The following MTUS2 variants were observed in gnomAD, a reference collection of about 807,000 sequenced individuals.
MTUS2 encodes the protein microtubule-associated tumor suppressor candidate 2.
A neutral mutation model predicts 114.1 loss-of-function variants in MTUS2; 40 were observed. That is an observed-to-expected ratio of 0.35 (90% CI 0.27 to 0.46). MTUS2 has a LOEUF of 0.46. MTUS2 is among the 20% of genes least tolerant of loss of function. MTUS2 has a pLI of 1.00. For synonymous variants in MTUS2, 688 were observed against 672.0 expected (o/e 1.02, Z -0.37); for missense variants, 1,679 against 1,705.4 (o/e 0.98, Z 0.27).
rs368447931 is a variant in MTUS2, at chr13:29,480,414, G to A, written c.3399+50G>A. 68 of 1,461,314 alleles carry A rather than the reference G, an allele frequency of 4.7e-5. 1 individual carries two copies. Among genetic ancestry groups the A allele is most frequent in the African/African-American group, 2.6e-4 (18 of 70,228 alleles). The allele number at this position is 1,461,314 out of a possible 1,614,324, so 90.5% of individuals were successfully genotyped here. The stretch of plus-strand genomic sequence containing the variant: ...TCTGCTGTTGGGTGATGCAGGTGGC[G>A]GGCGGCGGGGATCCAGTGCCACATT... On this transcript the variant is annotated intron_variant, in intron 10 of 15. Transcript: ENST00000612955. The surrounding 1 kb of genome is among the most constrained non-coding windows in gnomAD (Gnocchi z 4.4).
In MTUS2 at chr13:28,939,922, C is replaced by T. The variant is rs1018076848; in HGVS notation, c.-242-84535C>T. On this transcript the variant is annotated intron_variant, in intron 2 of 15. Transcript: ENST00000612955. ...AGGAGCTAAGTCATGTCTTACGTGG[C>T]GGCAGGCAAGAAAGAGCTTGTGCAG... 2.1e-4 allele frequency among the ~76,000 whole-genome samples: 32 copies of T among 152,064 alleles called. 1 individual carries two copies. Among genetic ancestry groups the T allele is most frequent in the Admixed American group, 1.9e-3 (29 of 15,270 alleles).
At chr13:29,187,052 T>C (rs1894254283) in intron 5 of MTUS2, among the ~76,000 whole-genome samples, 2 of 152,086 alleles carry the variant, frequency 1.3e-5, no homozygotes, top group Non-Finnish European at 2.9e-5. Context: ...TTTGAAAATA[T>C]TTTGAGATGA....
In MTUS2 at chr13:29,033,936, T is replaced by A. The variant is rs1430838954; in HGVS notation, c.2257T>A (p.Tyr753Asn). The A allele has an allele frequency of 6.2e-7, 1 of 1,613,986 alleles. No homozygotes were observed. Among genetic ancestry groups the A allele is most frequent in the Non-Finnish European group, 8.5e-7 (1 of 1,179,876 alleles). ...EEFCSPPYAH[Y>N]EVPPTFYRSA... is the part of the protein sequence containing the mutation. The stretch of plus-strand genomic sequence containing the variant: ...GTTTTGTTCTCCTCCCTATGCTCAT[T>A]ATGAAGTCCCTCCAACTTTCTATCG... Residue 753 changes from tyrosine (Y) to asparagine (N), a missense_variant, in exon 4 of 16, where the codon TAT becomes AAT. Physicochemically the swap from Tyr to Asn is moderately radical, Grantham distance 143. Around this residue, in one of 3 missense-constraint regions of MTUS2, gnomAD observed 822 missense variants for 899.7 expected, o/e 0.91. Coordinates refer to ENST00000612955, the MANE Select transcript of MTUS2 (RefSeq NM_001033602.4).
chr13:29,445,616 T>G (rs969023167), intron 9 of MTUS2, among the ~76,000 whole-genome samples: 2 of 152,126 alleles, frequency 1.3e-5, no homozygotes, highest in African/African-American at 4.8e-5. Context: ...CAAGAGTTTA[T>G]ATAATTCTGG....
intron 2 of MTUS2, among the ~76,000 whole-genome samples, chr13:28,851,565 CT>C (rs1315383690): frequency 6.6e-6 from 1 of 152,182 alleles, no homozygotes; most frequent in Non-Finnish European, 1.5e-5. Context: ...CACTTAGAGT[CT>C]AAGAGGAAAT....
At chr13:29,126,642 TA>T (rs1398171188) in intron 5 of MTUS2, among the ~76,000 whole-genome samples, 3 of 150,096 alleles carry the variant, frequency 2.0e-5, no homozygotes, top group African/African-American at 7.3e-5. Context: ...TTTTTTTTTT[TA>T]AATTTTAGCT....
At chr13:29,410,227 C>T (rs922189867) in intron 8 of MTUS2, among the ~76,000 whole-genome samples, 7 of 152,016 alleles carry the variant, frequency 4.6e-5, no homozygotes, top group Middle Eastern at 3.4e-3. Context: ...TGGGTTCAAG[C>T]GATTCTCATG....
At chr13:28,984,617 A>G (rs1169199785) in intron 2 of MTUS2, among the ~76,000 whole-genome samples, 1 of 152,218 alleles carries the variant, frequency 6.6e-6, no homozygotes. Context: ...ATGGAGCTGT[A>G]TTTGGGCTCT....
chr13:29,470,222 T>A (rs1179408572), intron 9 of MTUS2, among the ~76,000 whole-genome samples: 1 of 152,156 alleles, frequency 6.6e-6, no homozygotes, highest in Non-Finnish European at 1.5e-5. Context: ...CAGTACTGTA[T>A]AAAATACACC....
intron 2 of MTUS2, among the ~76,000 whole-genome samples, chr13:28,959,468 A>G (rs796431271): frequency 5.9e-5 from 9 of 152,300 alleles, no homozygotes; most frequent in Non-Finnish European, 7.4e-5. Context: ...GTCTGTTTGC[A>G]TGGCTATAAA....
At chr13:29,175,936 C>T (rs917950293) in intron 5 of MTUS2, among the ~76,000 whole-genome samples, 2 of 151,910 alleles carry the variant, frequency 1.3e-5, no homozygotes, top group Non-Finnish European at 2.9e-5. Context: ...GCTCAACAGC[C>T]ATATGTATTT....
At chr13:29,105,649 G>GTTTT (rs71090225) in intron 5 of MTUS2, among the ~76,000 whole-genome samples, 2,176 of 96,524 alleles carry the variant, frequency 0.023, 72 homozygotes, top group African/African-American at 0.068. Context: ...TTTTTCTCCT[G>GTTTT]TTTTTTTCTT....
intron 5 of MTUS2, among the ~76,000 whole-genome samples, chr13:29,172,518 A>G (rs1171052170): frequency 6.6e-6 from 1 of 152,236 alleles, no homozygotes; most frequent in Non-Finnish European, 1.5e-5. Flanking sequence ...TTCATGGAGA[A>G]TTAAATGTTG....
intron 2 of MTUS2, among the ~76,000 whole-genome samples, chr13:29,004,920 A>G (rs750535008): frequency 2.0e-5 from 3 of 152,176 alleles, no homozygotes; most frequent in Non-Finnish European, 4.4e-5. Flanking sequence ...AATAAAATGC[A>G]TAGGAATTCA....
At chr13:29,272,022 G>A (rs1270706527) in intron 5 of MTUS2, among the ~76,000 whole-genome samples, 1 of 151,926 alleles carries the variant, frequency 6.6e-6, no homozygotes, top group Non-Finnish European at 1.5e-5. Flanking sequence ...TTTTCTCTGT[G>A]GTATCTCAAC....
intron 5 of MTUS2, among the ~76,000 whole-genome samples, chr13:29,261,574 A>G (rs1021322179): frequency 1.2e-4 from 19 of 152,254 alleles, no homozygotes; most frequent in African/African-American, 4.6e-4. Context: ...TCCAAGCTAC[A>G]GAAATAGAGC....
chr13:29,028,623 A>G (rs1240697629), intron 3 of MTUS2, among the ~76,000 whole-genome samples: 3 of 151,802 alleles, frequency 2.0e-5, no homozygotes, highest in Middle Eastern at 3.4e-3. Context: ...TTCCAATGTT[A>G]TCTCCTTGGG....
At chr13:28,977,493 C>T (rs1884166833) in intron 2 of MTUS2, among the ~76,000 whole-genome samples, 1 of 152,164 alleles carries the variant, frequency 6.6e-6, no homozygotes, top group Non-Finnish European at 1.5e-5. Context: ...ACAACTTCCT[C>T]CTAAACTTTC....
Position 29,429,710 on chromosome 13 carries a change from A to G in MTUS2, c.3118-10273A>G, listed in dbSNP as rs182050514. Among the ~76,000 whole-genome samples, 322 of 152,332 alleles carry G rather than the reference A, an allele frequency of 2.1e-3. 1 individual carries two copies. Among genetic ancestry groups the G allele is most frequent in the African/African-American group, 7.3e-3 (303 of 41,580 alleles). The stretch of plus-strand genomic sequence containing the variant: ...TTGTCATGCATATTTGGATTTCTAC[A>G]AGATGCATGAAATGGGATTTCACAA... On this transcript the variant is annotated intron_variant, in intron 8 of 15. Transcript: ENST00000612955.
Sources: allele counts gnomAD v4.1 joint callset (sites outside exome capture counted in the v4.1 genomes callset), GRCh38; gene constraint gnomAD v4.1.1; regional missense constraint gnomAD v4.1.1; non-coding constraint Gnocchi (gnomAD v3.1); transcripts MANE v1.5; gene names NCBI Gene and HGNC (gene_info 2026-07-23, HGNC 2026-07-21).